SLIT2: variants seen among roughly 807,000 people sequenced by gnomAD.
The protein encoded by SLIT2 is slit homolog 2 protein.
A neutral mutation model predicts 185.7 loss-of-function variants in SLIT2; 41 were observed. The observed-to-expected ratio is 0.22, with a 90% confidence interval of 0.17 to 0.29. The LOEUF (loss-of-function observed/expected upper bound fraction) is 0.29. Among genes scored for constraint, SLIT2 ranks in the 10% least tolerant of loss-of-function variants. The pLI is 1.00. For synonymous variants in SLIT2, 693 were observed against 680.2 expected (o/e 1.02, Z -0.29); for missense variants, 1,571 against 1,909.0 (o/e 0.82, Z 3.30).
chr4:20,609,225 C>T (rs372376074), intron 33 of SLIT2, among the ~76,000 whole-genome samples: 2 of 152,168 alleles, frequency 1.3e-5, no homozygotes, highest in African/African-American at 4.8e-5. Context: ...TGTCTTTATT[C>T]ACTTCATCAA....
At chr4:20,257,769 T>C in intron 2 of SLIT2, 99 bp from the exon 3 acceptor site, 2 of 714,334 alleles carry the variant, frequency 2.8e-6, no homozygotes, top group Non-Finnish European at 5.0e-6. Flanking sequence ...AATTTAACTT[T>C]ATAAAGGGAA....
At chr4:20,568,410 AT>A (rs111996466) in intron 28 of SLIT2, among the ~76,000 whole-genome samples, 24 of 150,266 alleles carry the variant, frequency 1.6e-4, no homozygotes, top group East Asian at 5.8e-4. Flanking sequence ...TTGTTTTCGG[AT>A]TTTTTTTTTC....
chr4:20,550,858 C>A lies in SLIT2; in HGVS notation c.2521C>A (p.Pro841Thr). Residue 841 changes from proline (P) to threonine (T), a missense_variant, in exon 25 of 37, where the codon CCT becomes ACT. Physicochemically the swap from Pro to Thr is conservative, Grantham distance 38 (BLOSUM62 -1). Around this residue, in one of 3 missense-constraint regions of SLIT2, gnomAD observed 1,202 missense variants for 1,416.4 expected, o/e 0.85. Transcript: ENST00000504154. The part of the protein sequence containing the change: ...SLHGNDISVV[P>T]EGAFNDLSAL... ...ACATGGAAATGACATTTCTGTTGTG[C>A]CTGAAGGTGCTTTCAATGATCTTTC... The A allele has an allele frequency of 6.2e-7, 1 of 1,607,380 alleles. No homozygotes were observed. Among genetic ancestry groups the A allele is most frequent in the Non-Finnish European group, 8.5e-7 (1 of 1,175,276 alleles).
intron 4 of SLIT2, among the ~76,000 whole-genome samples, chr4:20,453,033 C>T (rs1160651908): frequency 1.3e-5 from 2 of 152,188 alleles, no homozygotes; most frequent in Non-Finnish European, 2.9e-5. Context: ...ACTTCAGTTC[C>T]CTCAAAATAT....
Position 20,541,477 on chromosome 4 carries a change from C to G in SLIT2, c.2001C>G (p.Asn667Lys), listed in dbSNP as rs768560532. ...GAAACCTCTTGGCCAATCCTTTTAA[C>G]TGTAACTGCTACCTGGCTTGGTTGG... ...STLNLLANPF[N>K]CNCYLAWLGE... The change falls in exon 20 of 37, where the codon AAC (asparagine) becomes AAG (lysine). Residue 667 changes from asparagine (N) to lysine (K), a missense_variant. Asn to Lys is a moderately conservative substitution (Grantham distance 94). Transcript: ENST00000504154. 1 of 1,614,030 alleles carries G rather than the reference C, an allele frequency of 6.2e-7. No homozygotes were observed. Among genetic ancestry groups the G allele is most frequent in the Non-Finnish European group, 8.5e-7 (1 of 1,179,950 alleles).
At chr4:20,306,339 C>T (rs1337552913) in intron 4 of SLIT2, among the ~76,000 whole-genome samples, 4 of 152,128 alleles carry the variant, frequency 2.6e-5, no homozygotes, top group East Asian at 1.9e-4. Flanking sequence ...GGGATAGTCA[C>T]CTGTGGTCAA....
intron 3 of SLIT2, 34 bp downstream of exon 3, chr4:20,257,973 T>C (rs780851744): frequency 2.0e-6 from 2 of 1,004,850 alleles, no homozygotes; most frequent in Non-Finnish European, 1.5e-6. Context: ...TATGACAACA[T>C]AACTGTGTTT....
chr4:20,589,422 GT>G lies in SLIT2; in HGVS notation c.3089-221del, dbSNP rs1241555958. Among the ~76,000 whole-genome samples the G allele has an allele frequency of 2.6e-5, 4 of 152,278 alleles. No homozygotes were observed. In the South Asian group the frequency reaches 6.2e-4, roughly 24 times the overall value. ...CTCATATTAGTCACAGATCACAATAGTCCTGTTGTCCAAAATCACAACACTA... is the reference window on the plus strand; with the variant it reads ...CTCATATTAGTCACAGATCACAATAGCCTGTTGTCCAAAATCACAACACTA... On this transcript the variant is annotated intron_variant, in intron 29 of 36. Coordinates refer to ENST00000504154, the MANE Select transcript of SLIT2 (RefSeq NM_004787.4).
Position 20,472,607 on chromosome 4 carries a change from T to G in SLIT2, c.467+4784T>G, listed in dbSNP as rs1474115653. Among the ~76,000 whole-genome samples the G allele has an allele frequency of 3.4e-5, 4 of 116,174 alleles. 1 individual carries two copies. Among genetic ancestry groups the G allele is most frequent in the Non-Finnish European group, 6.9e-5 (4 of 57,654 alleles). 76.2% of individuals were successfully genotyped at this position (116,174 alleles called of 152,430 possible). On this transcript the variant is annotated intron_variant, in intron 5 of 36. Coordinates refer to ENST00000504154, the MANE Select transcript of SLIT2 (RefSeq NM_004787.4). ...ATATATAGATATATATCTATAGATA[T>G]ATCTATATATATCGATATATCTATA... is the stretch of plus-strand genomic sequence containing the variant.
At chr4:20,453,156 C>T (rs183093313) in intron 4 of SLIT2, among the ~76,000 whole-genome samples, 8 of 152,186 alleles carry the variant, frequency 5.3e-5, no homozygotes, top group South Asian at 4.2e-4. Context: ...ATGATACATC[C>T]GGATATGGGT....
At chr4:20,569,126 A>T in intron 29 of SLIT2, 122 bp downstream of exon 29, 1 of 810,716 alleles carries the variant, frequency 1.2e-6, no homozygotes. Context: ...TGTCTTGAAA[A>T]TCAGATGTAA....
At chr4:20,542,750 T>G in intron 21 of SLIT2, 124 bp downstream of exon 21, 1 of 1,042,790 alleles carries the variant, frequency 9.6e-7, no homozygotes, top group East Asian at 2.4e-5. Flanking sequence ...GCCAGTTAAT[T>G]ATTATCCTGT....
intron 4 of SLIT2, among the ~76,000 whole-genome samples, chr4:20,357,184 T>C (rs904572556): frequency 6.6e-6 from 1 of 152,182 alleles, no homozygotes; most frequent in Non-Finnish European, 1.5e-5. Context: ...TTTCCATTAC[T>C]CCTTTAATTG....
intron 9 of SLIT2, among the ~76,000 whole-genome samples, chr4:20,492,348 A>G (rs1014212287): frequency 1.3e-5 from 2 of 152,244 alleles, no homozygotes; most frequent in South Asian, 2.1e-4. Flanking sequence ...TGATAGTTCA[A>G]TGCAAAGTGA....
In SLIT2 at chr4:20,531,986, G is replaced by A. The variant is rs1224798825; in HGVS notation, c.1616G>A (p.Arg539His). 36 of 1,553,530 alleles carry A rather than the reference G, an allele frequency of 2.3e-5. No individual in the cohort carries two copies. Among genetic ancestry groups the A allele is most frequent in the African/African-American group, 4.2e-5 (3 of 71,450 alleles). Residue 539 changes from arginine (R) to histidine (H), a missense_variant and splice_region_variant, in exon 17 of 37, where the codon CGT (arginine) becomes CAT (histidine). This residue lies in a region of SLIT2 where 1,202 missense variants were observed against 1,416.4 expected (regional missense o/e 0.85). Transcript: ENST00000504154. ...TCTATTCCTTCTTTTTTCTTCAGGC[G>A]TCTCAATAATAATGAATTTACCGTG... The part of the protein sequence containing the change: ...EHIPQYTAEL[R>H]LNNNEFTVLE...
At chr4:20,498,137 G>A (rs1441765828) in intron 9 of SLIT2, among the ~76,000 whole-genome samples, 1 of 151,992 alleles carries the variant, frequency 6.6e-6, no homozygotes, top group African/African-American at 2.4e-5. Flanking sequence ...GGCGCCACTG[G>A]ACTCCAGCCT....
At chr4:20,262,945 G>A (rs1295612556) in intron 3 of SLIT2, among the ~76,000 whole-genome samples, 2 of 151,726 alleles carry the variant, frequency 1.3e-5, no homozygotes, top group Non-Finnish European at 3.0e-5. Context: ...AAATTCTGAA[G>A]CAGTGAGGGT....
At chr4:20,605,853 C>A (rs1728759727) in intron 33 of SLIT2, among the ~76,000 whole-genome samples, 1 of 151,592 alleles carries the variant, frequency 6.6e-6, no homozygotes, top group African/African-American at 2.4e-5. Flanking sequence ...TTCAAGCAAT[C>A]CTCATGCCTC....
At chr4:20,448,008 T>C (rs1312414807) in intron 4 of SLIT2, among the ~76,000 whole-genome samples, 1 of 152,132 alleles carries the variant, frequency 6.6e-6, no homozygotes, top group African/African-American at 2.4e-5. Context: ...TAAAAAGAAA[T>C]GGATACTTCA....
Sources: gnomAD v4.1 joint callset for allele counts (sites outside exome capture counted in the v4.1 genomes callset) on GRCh38, gnomAD v4.1.1 for gene constraint, gnomAD v4.1.1 regional missense constraint, MANE v1.5 for transcripts, NCBI Gene and HGNC (gene_info 2026-07-23, HGNC 2026-07-21) for gene names.